The following GARNL3 variants were observed in gnomAD, a reference collection of about 807,000 sequenced individuals.
GARNL3 encodes GTPase-activating Rap/Ran-GAP domain-like protein 3.
GARNL3 carries 63 observed loss-of-function variants against 125.0 expected under a neutral mutation model. The observed-to-expected ratio is 0.50, with a 90% CI of 0.41 to 0.62. The LOEUF (loss-of-function observed/expected upper bound fraction) is 0.62, where lower values mean the gene tolerates loss of function less well. GARNL3 is among the 20% of genes least tolerant of loss of function. The pLI is 0.00. For missense variants in GARNL3, 994 were observed against 1,244.0 expected (o/e 0.80, Z 3.02); for synonymous variants, 439 against 457.5 (o/e 0.96, Z 0.52).
At chr9:127,260,827 A>G (rs567160394), upstream of GARNL3, among the ~76,000 whole-genome samples, 1 of 152,270 alleles carries the variant, frequency 6.6e-6, no homozygotes, top group South Asian at 2.1e-4. Flanking sequence ...ACTACTTTCT[A>G]TTACCTATGG....
chr9:127,301,181 TC>T (rs1483685319), intron 2 of GARNL3, among the ~76,000 whole-genome samples: 1 of 152,326 alleles, frequency 6.6e-6, no homozygotes, highest in African/African-American at 2.4e-5. Context: ...TTATTGCTGT[TC>T]CTTGGACACA....
chr9:127,290,660 G>A (rs1238581828), intron 1 of GARNL3, among the ~76,000 whole-genome samples: 2 of 152,226 alleles, frequency 1.3e-5, no homozygotes, highest in Non-Finnish European at 2.9e-5. Flanking sequence ...CCTTGCCAGA[G>A]CTAAAACACA....
intron 1 of GARNL3, among the ~76,000 whole-genome samples, chr9:127,227,495 G>A (rs1464481501): frequency 6.6e-6 from 1 of 152,066 alleles, no homozygotes; most frequent in East Asian, 1.9e-4. Flanking sequence ...CAACTACTGA[G>A]GAGGCTAAGG....
At chr9:127,278,183 AGAG>A (rs2064007292) in intron 1 of GARNL3, among the ~76,000 whole-genome samples, 1 of 152,268 alleles carries the variant, frequency 6.6e-6, no homozygotes, top group South Asian at 2.1e-4. Flanking sequence ...TGAAAAGCAC[AGAG>A]AAGAAAATTA....
chr9:127,354,059 C>G lies in GARNL3; in HGVS notation c.1642+115C>G, dbSNP rs1469134868. 4 of 767,984 alleles carry G rather than the reference C, an allele frequency of 5.2e-6. No homozygotes were observed. The African/African-American group carries it at 7.0e-5, about 13-fold the overall frequency. The allele number at this position is 767,984 out of a possible 1,614,324, so 47.6% of individuals were successfully genotyped here. On this transcript the variant is annotated intron_variant, in intron 18 of 27. Transcript: ENST00000373387. ...ATAAGTTCTGCCAGCTGTTTCCTTT[C>G]CTGATGCTCAGTGCTTGGGATCCCT...
At position 127,345,496 on chromosome 9, in the gene GARNL3, C is replaced by G. The variant is rs890610940; in HGVS notation, c.1431+19C>G. ...AAAAGAGGTGAGTTCATGATACTTT[C>G]AATTTGAACTTTGAATTCCCCTTTT... On this transcript the variant is annotated intron_variant, in intron 16 of 27. Transcript: ENST00000373387. The G allele has an allele frequency of 6.8e-7, 1 of 1,471,696 alleles. No homozygotes were observed. The highest frequency in any genetic ancestry group is 9.3e-7 in the Non-Finnish European group (1 of 1,069,956). The allele number at this position is 1,471,696 out of a possible 1,614,324, so 91.2% of individuals were successfully genotyped here. A position where few individuals can be genotyped will look rare whatever the true frequency, so the allele number is the denominator to read the frequency against.
chr9:127,292,950 C>CA (rs1223898518), intron 2 of GARNL3, among the ~76,000 whole-genome samples: 1 of 152,216 alleles, frequency 6.6e-6, no homozygotes, highest in Non-Finnish European at 1.5e-5. Flanking sequence ...TTTCACAAGT[C>CA]ATTGCAGTCT....
At chr9:127,325,261 T>G (rs2065533379) in intron 7 of GARNL3, among the ~76,000 whole-genome samples, 166 bp downstream of exon 7, 1 of 152,238 alleles carries the variant, frequency 6.6e-6, no homozygotes, top group Non-Finnish European at 1.5e-5. Flanking sequence ...ATTTTTAAGG[T>G]ATATTTTAGA....
chr9:127,382,247 C>G (rs1564197966), intron 22 of GARNL3, among the ~76,000 whole-genome samples: 1 of 152,108 alleles, frequency 6.6e-6, no homozygotes, highest in Admixed American at 6.6e-5. Context: ...TTGCAATGAG[C>G]TGAGATCTCA....
At chr9:127,275,126 A>G (rs74980125) in intron 1 of GARNL3, among the ~76,000 whole-genome samples, 4,267 of 152,318 alleles carry the variant, frequency 0.028, 197 homozygotes, top group African/African-American at 0.098. Flanking sequence ...GCTCTTAGCA[A>G]TAGAATATAT....
upstream of GARNL3, among the ~76,000 whole-genome samples, chr9:127,259,429 T>G (rs2063546625): frequency 6.6e-6 from 1 of 152,208 alleles, no homozygotes; most frequent in Non-Finnish European, 1.5e-5. Flanking sequence ...TTTTTGGTAC[T>G]TGCCTTGTTC....
intron 1 of GARNL3, among the ~76,000 whole-genome samples, chr9:127,232,566 C>T (rs536633067): frequency 6.6e-6 from 1 of 152,334 alleles, no homozygotes; most frequent in East Asian, 1.9e-4. Context: ...ACCTTAGCCT[C>T]TCAAGGCACT....
intron 1 of GARNL3, among the ~76,000 whole-genome samples, chr9:127,229,009 G>A (rs191901317): frequency 2.0e-5 from 3 of 152,232 alleles, no homozygotes; most frequent in Non-Finnish European, 4.4e-5. Flanking sequence ...TTTTAGTAGA[G>A]ACCGGGGTTT....
rs181146292 is a variant in GARNL3, at chr9:127,290,669, C to T, written c.145-499C>T. ...GCATCACCTTGCCAGAGCTAAAACA[C>T]AGTCTGCCTGCCTGGGGAGGGACTA... On this transcript the variant is annotated intron_variant, in intron 1 of 27. Coordinates refer to ENST00000373387, the MANE Select transcript of GARNL3 (RefSeq NM_032293.5). 7.8e-4 allele frequency among the ~76,000 whole-genome samples: 119 copies of T among 152,352 alleles called. 1 individual carries two copies. Among genetic ancestry groups the T allele is most frequent in the Middle Eastern group, 3.4e-3 (1 of 294 alleles).
chr9:127,345,123 A>G (rs1830067017), intron 15 of GARNL3, among the ~76,000 whole-genome samples: 1 of 147,492 alleles, frequency 6.8e-6, no homozygotes. Context: ...GGGACCTGAG[A>G]ATCTGCATTT....
intron 1 of GARNL3, among the ~76,000 whole-genome samples, chr9:127,234,536 T>G (rs1166272808): frequency 6.6e-6 from 1 of 152,118 alleles, no homozygotes; most frequent in Non-Finnish European, 1.5e-5. Flanking sequence ...AGAGCTAGGA[T>G]CTTAGAGGAC....
intron 22 of GARNL3, among the ~76,000 whole-genome samples, chr9:127,380,607 TA>T (rs1246678532): frequency 6.6e-6 from 1 of 152,060 alleles, no homozygotes; most frequent in African/African-American, 2.4e-5. Context: ...TATTTGGCCA[TA>T]AAAAGGAATG....
chr9:127,285,425 T>C (rs563582867), intron 1 of GARNL3, among the ~76,000 whole-genome samples: 1 of 152,358 alleles, frequency 6.6e-6, no homozygotes, highest in South Asian at 2.1e-4. Flanking sequence ...CTCGCTTTTC[T>C]TTCTTTTCAA....
Position 127,393,220 on chromosome 9 carries a change from C to T in GARNL3, c.3008C>T (p.Ala1003Val). 1 of 1,613,484 alleles carries T rather than the reference C, an allele frequency of 6.2e-7. No individual in the cohort carries two copies. The highest frequency in any genetic ancestry group is 8.5e-7 in the Non-Finnish European group (1 of 1,179,432). ...VSGSSPFQLTAFSDEDIIDLK is the reference protein window; with the variant it reads ...VSGSSPFQLTVFSDEDIIDLK The stretch of plus-strand genomic sequence containing the variant: ...GGCAGCAGCCCCTTCCAGCTCACGG[C>T]TTTCTCCGATGAAGACATTATAGAC... Residue 1003 changes from alanine to valine, a missense_variant, in exon 28 of 28, where the codon GCT (alanine) becomes GTT (valine). By Grantham distance (64) the Ala-to-Val change is moderately conservative. Coordinates refer to ENST00000373387, the MANE Select transcript of GARNL3 (RefSeq NM_032293.5).
Sources: allele counts gnomAD v4.1 joint callset (sites outside exome capture counted in the v4.1 genomes callset), GRCh38; gene constraint gnomAD v4.1.1; transcripts MANE v1.5; gene names NCBI Gene and HGNC (gene_info 2026-07-23, HGNC 2026-07-21).